Variants in DSE observed in about 807,000 individuals in gnomAD.
The protein encoded by DSE is dermatan sulfate epimerase.
Under a neutral mutation model 84.4 loss-of-function variants are expected in DSE, and 36 were observed. That is an observed-to-expected ratio of 0.43 (90% confidence interval 0.33 to 0.56). The LOEUF (loss-of-function observed/expected upper bound fraction) is 0.56, where lower values mean the gene tolerates loss of function less well. DSE is among the 20% of genes least tolerant of loss of function. The probability of loss-of-function intolerance (pLI) is 0.06; values close to 1 mark genes in which losing one functional copy is unlikely to be tolerated. For missense variants in DSE, 862 were observed against 1,169.6 expected, an observed-to-expected ratio of 0.74 and a Z score of 3.84; for synonymous variants, 410 against 430.1, an observed-to-expected ratio of 0.95 and a Z score of 0.58.
At chr6:116,406,631 G>A (rs1781947646) in intron 2 of DSE, among the ~76,000 whole-genome samples, 1 of 152,220 alleles carries the variant, frequency 6.6e-6, no homozygotes, top group East Asian at 1.9e-4. Flanking sequence ...AATGACATGA[G>A]TATGTTCATG....
intron 2 of DSE, among the ~76,000 whole-genome samples, chr6:116,301,233 G>A (rs1419730152): frequency 6.6e-6 from 1 of 152,164 alleles, no homozygotes; most frequent in Non-Finnish European, 1.5e-5. Flanking sequence ...ACATGCAAGT[G>A]TACAACCTCC....
At chr6:116,305,479 A>G (rs1775290937) in intron 2 of DSE, among the ~76,000 whole-genome samples, 1 of 152,232 alleles carries the variant, frequency 6.6e-6, no homozygotes. Flanking sequence ...GTGAAATGCA[A>G]TACATGGTCC....
chr6:116,322,774 T>G (rs2114766466), intron 2 of DSE, among the ~76,000 whole-genome samples: 1 of 152,310 alleles, frequency 6.6e-6, no homozygotes, highest in Admixed American at 6.5e-5. Flanking sequence ...CCCATGTGCA[T>G]GTGTAAATGA....
Position 116,381,092 on chromosome 6 carries a change from G to A in DSE, c.-54+9971G>A, listed in dbSNP as rs138288323. 2.0e-3 allele frequency among the ~76,000 whole-genome samples: 298 copies of A among 152,202 alleles called. 3 individuals carry two copies. Among genetic ancestry groups the A allele is most frequent in the Non-Finnish European group, 3.3e-3 (221 of 67,986 alleles). On this transcript the variant is annotated intron_variant, in intron 1 of 5. Coordinates refer to ENST00000644252, the MANE Select transcript of DSE (RefSeq NM_013352.4). ...TATAAGCACCTTCATGGCTGGCACCGTCCCTGAATTCTCAAAGAATATTGA... is the reference window on the plus strand; with the variant it reads ...TATAAGCACCTTCATGGCTGGCACCATCCCTGAATTCTCAAAGAATATTGA...
intron 2 of DSE, among the ~76,000 whole-genome samples, chr6:116,275,488 C>T (rs1424268516): frequency 6.6e-6 from 1 of 152,196 alleles, no homozygotes; most frequent in Non-Finnish European, 1.5e-5. Context: ...TATTTATCTG[C>T]TGACAACTAT....
intron 2 of DSE, among the ~76,000 whole-genome samples, chr6:116,341,526 TG>T (rs1777592935): frequency 6.6e-6 from 1 of 152,218 alleles, no homozygotes; most frequent in African/African-American, 2.4e-5. Flanking sequence ...AAAATGCCAT[TG>T]CCATTTGCAT....
chr6:116,333,201 G>T (rs1252824138), intron 2 of DSE, among the ~76,000 whole-genome samples: 1 of 152,156 alleles, frequency 6.6e-6, no homozygotes. Flanking sequence ...TCTTGTCTTA[G>T]TCCATTTTCT....
At chr6:116,321,543 C>G (rs569665561) in intron 2 of DSE, among the ~76,000 whole-genome samples, 1 of 152,070 alleles carries the variant, frequency 6.6e-6, no homozygotes, top group Non-Finnish European at 1.5e-5. Flanking sequence ...AATCCCAGCA[C>G]TTTGGGAGGC....
intron 3 of DSE, 28 bp from the exon 4 acceptor site, chr6:116,430,926 A>G (rs750144574): frequency 2.5e-6 from 4 of 1,609,268 alleles, no homozygotes; most frequent in Admixed American, 3.3e-5. Context: ...GGCTTTAGTC[A>G]TTGCTTCCAT....
rs76506100 is a variant in DSE at position 116,396,490 on chromosome 6, C to T, written c.-53-2708C>T. Among the ~76,000 whole-genome samples the T allele has an allele frequency of 7.1e-3, 1,076 of 152,306 alleles. 18 individuals are homozygous for T. The highest frequency in any genetic ancestry group is 0.023 in the African/African-American group (952 of 41,550). On this transcript the variant is annotated intron_variant, in intron 1 of 5. Coordinates refer to ENST00000644252, the MANE Select transcript of DSE (RefSeq NM_013352.4). ...AGAATCTCTATGGGTTCTGCATTGGCTAACGTGGTGTTCTGACGGAAATTA... is the reference window on the plus strand; with the variant it reads ...AGAATCTCTATGGGTTCTGCATTGGTTAACGTGGTGTTCTGACGGAAATTA...
intron 1 of DSE, among the ~76,000 whole-genome samples, chr6:116,372,239 C>T (rs1779637441): frequency 6.6e-6 from 1 of 152,198 alleles, no homozygotes; most frequent in South Asian, 2.1e-4. Flanking sequence ...GAGGCCGAGG[C>T]AGGCGGATCA....
Position 116,431,027 on chromosome 6 carries a change from G to A in DSE, c.744G>A (p.Arg248=). The change falls in exon 4 of 6, where the codon AGG becomes AGA. Residue 248 remains arginine (R), a synonymous_variant. Transcript: ENST00000644252. ...TIMEKSLVLL[R]EVTDGSLYEG... ...TGGAGAAATCTCTGGTCTTGCTCAG[G>A]GAGGTGACGGATGGCTCCCTCTATG... 1.9e-6 allele frequency: 3 copies of A among 1,614,138 alleles called. No homozygotes were observed. The highest frequency in any genetic ancestry group is 8.5e-7 in the Non-Finnish European group (1 of 1,180,036).
At chr6:116,291,279 T>C (rs914135258) in intron 2 of DSE, among the ~76,000 whole-genome samples, 4 of 152,092 alleles carry the variant, frequency 2.6e-5, no homozygotes, top group Non-Finnish European at 5.9e-5. Context: ...GACAAAGGGC[T>C]TTGGGTGCAC....
At chr6:116,326,960 T>C (rs182157239) in intron 2 of DSE, among the ~76,000 whole-genome samples, 10 of 152,350 alleles carry the variant, frequency 6.6e-5, no homozygotes, top group Admixed American at 6.5e-4. Flanking sequence ...TCATGTTGCT[T>C]CACATTTATT....
At position 116,443,007 on chromosome 6, in the gene DSE, A is replaced by C. The variant is rs901757546; in HGVS notation, c.*5662A>C. Reference sequence around the variant, plus strand: ...GTACCCTCTGCTTAGAAATCGCTGCAAGCAATGGCAAGCCATTAAAGAATT... The same window carrying C: ...GTACCCTCTGCTTAGAAATCGCTGCCAGCAATGGCAAGCCATTAAAGAATT... On this transcript the variant is annotated 3_prime_UTR_variant, in exon 6 of 6. Coordinates refer to ENST00000644252, the MANE Select transcript of DSE (RefSeq NM_013352.4). 1 of 152,230 alleles carries C rather than the reference A, an allele frequency of 6.6e-6. No individual in the cohort carries two copies. The highest frequency in any genetic ancestry group is 2.4e-5 in the African/African-American group (1 of 41,440). The allele number at this position is 152,230 out of a possible 1,614,324, so 9.4% of individuals were successfully genotyped here.
At position 116,437,307 on chromosome 6, in the gene DSE, T is replaced by G; in HGVS notation, c.2839T>G (p.Leu947Val). The G allele has an allele frequency of 6.2e-7, 1 of 1,613,598 alleles. No homozygotes were observed. Among genetic ancestry groups the G allele is most frequent in the Non-Finnish European group, 8.5e-7 (1 of 1,179,738 alleles). The change falls in exon 6 of 6, where the codon TTA becomes GTA. Residue 947 changes from leucine (L) to valine (V), a missense_variant. By Grantham distance (32) the Leu-to-Val change is conservative. Transcript: ENST00000644252. ...TCTTCTCATAGATAGCTGTATTTTA[T>G]TATGGTTGTACTCTTCTTGTTCCCA... ...AVLLIDSCILLWLYSSCSQSQ... is the reference protein window; with the variant it reads ...AVLLIDSCILVWLYSSCSQSQ...
At chr6:116,282,250 C>T (rs1773587840) in intron 2 of DSE, among the ~76,000 whole-genome samples, 1 of 152,208 alleles carries the variant, frequency 6.6e-6, no homozygotes, top group South Asian at 2.1e-4. Context: ...AATATTGGAA[C>T]TTTCCACAAA....
chr6:116,390,338 G>C (rs968174698), intron 1 of DSE, among the ~76,000 whole-genome samples: 1 of 152,122 alleles, frequency 6.6e-6, no homozygotes, highest in Non-Finnish European at 1.5e-5. Flanking sequence ...CAACTGCTGG[G>C]ATAACAGGCA....
intron 1 of DSE, among the ~76,000 whole-genome samples, chr6:116,392,227 C>T (rs2114976702): frequency 1.3e-5 from 2 of 152,270 alleles, no homozygotes; most frequent in East Asian, 3.9e-4. Context: ...TGCTCTCAGG[C>T]AATCAGGGTT....
Sources: gnomAD v4.1 joint callset for allele counts (sites outside exome capture counted in the v4.1 genomes callset) on GRCh38, gnomAD v4.1.1 for gene constraint, MANE v1.5 for transcripts, NCBI Gene and HGNC (gene_info 2026-07-23, HGNC 2026-07-21) for gene names.